Variants in CTNND2 observed in about 807,000 individuals in gnomAD.
The protein encoded by CTNND2 is catenin delta-2.
CTNND2 carries 22 observed loss-of-function variants against 144.4 expected under a neutral mutation model. The ratio of observed to expected loss-of-function variants is 0.15; its 90% CI spans 0.11 to 0.22. CTNND2 has a LOEUF of 0.22. CTNND2 is among the 10% of genes least tolerant of loss of function. The probability of loss-of-function intolerance (pLI) is 1.00; values close to 1 mark genes in which losing one functional copy is unlikely to be tolerated. For missense variants in CTNND2, 1,353 were observed against 1,618.8 expected, an observed-to-expected ratio of 0.84 and a Z score of 2.82; for synonymous variants, 751 against 695.6, an observed-to-expected ratio of 1.08 and a Z score of -1.25.
intron 1 of CTNND2, among the ~76,000 whole-genome samples, chr5:11,828,531 AAAAT>A (rs1020581384): frequency 2.0e-5 from 3 of 152,080 alleles, no homozygotes; most frequent in African/African-American, 7.2e-5. Context: ...ACTCCGACTA[AAAAT>A]AAATAAATAA....
At chr5:11,332,122 A>G (rs1753211805) in intron 9 of CTNND2, among the ~76,000 whole-genome samples, 1 of 151,950 alleles carries the variant, frequency 6.6e-6, no homozygotes, top group African/African-American at 2.4e-5. Context: ...CTAAAAATAC[A>G]AAATTAGCTG....
At chr5:10,978,813 T>A (rs1445914571) in intron 21 of CTNND2, among the ~76,000 whole-genome samples, 1 of 152,234 alleles carries the variant, frequency 6.6e-6, no homozygotes, top group Non-Finnish European at 1.5e-5. Flanking sequence ...GGCTAGGTGG[T>A]GTTCACACTC....
chr5:11,795,349 A>C (rs1791347484), intron 1 of CTNND2, among the ~76,000 whole-genome samples: 1 of 152,232 alleles, frequency 6.6e-6, no homozygotes. Flanking sequence ...GGAAGGAATA[A>C]AAATCTGGAA....
intron 5 of CTNND2, among the ~76,000 whole-genome samples, chr5:11,411,035 C>T (rs191522156): frequency 6.6e-6 from 1 of 152,128 alleles, no homozygotes; most frequent in African/African-American, 2.4e-5. Flanking sequence ...CCATGCCTGG[C>T]TAGTTTTTTT....
At position 11,333,738 on chromosome 5, in the gene CTNND2, C is replaced by T. The variant is rs559186586; in HGVS notation, c.1628+12634G>A. On this transcript the variant is annotated intron_variant, in intron 9 of 21. Transcript: ENST00000304623. ...CTGGAAGATCCAAAGGCTCTACTGA[C>T]CCTGGCGGATTTGCTTGAAAGGGTT... Among the ~76,000 whole-genome samples, 4 of 152,256 alleles carry T rather than the reference C, an allele frequency of 2.6e-5. No homozygotes were observed. The South Asian group carries it at 8.3e-4, about 32-fold the overall frequency.
chr5:11,115,401 G>A (rs967660734), intron 13 of CTNND2, among the ~76,000 whole-genome samples: 11 of 152,080 alleles, frequency 7.2e-5, no homozygotes, highest in Non-Finnish European at 8.8e-5. Flanking sequence ...AGCTCTTTTC[G>A]TAGCCATCAC....
chr5:11,657,520 A>G (rs1237855378), intron 2 of CTNND2, among the ~76,000 whole-genome samples: 1 of 151,706 alleles, frequency 6.6e-6, no homozygotes, highest in East Asian at 1.9e-4. Flanking sequence ...TTCTTAGTAC[A>G]TAAAATAACC....
At chr5:11,687,349 T>C (rs1425079839) in intron 2 of CTNND2, among the ~76,000 whole-genome samples, 1 of 152,234 alleles carries the variant, frequency 6.6e-6, no homozygotes, top group African/African-American at 2.4e-5. Flanking sequence ...CTCAATTCCT[T>C]GCACTGCCTC....
intron 3 of CTNND2, among the ~76,000 whole-genome samples, chr5:11,434,978 C>T (rs31818): frequency 0.23 from 34,349 of 151,732 alleles, 7,590 homozygotes; most frequent in African/African-American, 0.58. Flanking sequence ...AAAAAATGCA[C>T]GAGGTTGTTT....
At chr5:10,978,280 T>C (rs1736756143) in intron 21 of CTNND2, among the ~76,000 whole-genome samples, 1 of 152,188 alleles carries the variant, frequency 6.6e-6, no homozygotes, top group South Asian at 2.1e-4. Context: ...AGGGATACTG[T>C]TTATGAGTCC....
At chr5:11,828,793 C>A (rs1020820161) in intron 1 of CTNND2, among the ~76,000 whole-genome samples, 9 of 152,066 alleles carry the variant, frequency 5.9e-5, no homozygotes, top group Non-Finnish European at 8.8e-5. Flanking sequence ...GTGGAAGTGA[C>A]TTTGGAACTG....
At chr5:11,496,144 A>G (rs759410531) in intron 3 of CTNND2, among the ~76,000 whole-genome samples, 6 of 152,198 alleles carry the variant, frequency 3.9e-5, no homozygotes, top group Non-Finnish European at 5.9e-5. Context: ...CCTGGATAAA[A>G]TAGCACCATG....
chr5:10,988,534 C>T lies in CTNND2; in HGVS notation c.3212-292G>A, dbSNP rs776086809. Among the ~76,000 whole-genome samples, 4 of 152,228 alleles carry T rather than the reference C, an allele frequency of 2.6e-5. No individual in the cohort carries two copies. Among genetic ancestry groups the T allele is most frequent in the Admixed American group, 6.5e-5 (1 of 15,286 alleles). ...CCTCAGAGAGAGATCATGGAGGGGA[C>T]GTGACCTGCCCAAGGTGTGTGGGGC... On this transcript the variant is annotated intron_variant, in intron 19 of 21. Transcript: ENST00000304623. The surrounding 1 kb of genome is among the most constrained non-coding windows in gnomAD (Gnocchi z 5.9).
rs148418321 is a variant in CTNND2, at chr5:11,281,437, T to C, written c.1629-44614A>G. ...TAGAATTTCATGAAGCAACAGCAAATAGCCACAGAATTCCACGAAGCAATG... is the reference window on the plus strand; with the variant it reads ...TAGAATTTCATGAAGCAACAGCAAACAGCCACAGAATTCCACGAAGCAATG... On this transcript the variant is annotated intron_variant, in intron 9 of 21. Transcript: ENST00000304623. Among the ~76,000 whole-genome samples the C allele has an allele frequency of 5.2e-3, 795 of 152,292 alleles. 10 individuals carry two copies. The highest frequency in any genetic ancestry group is 0.018 in the African/African-American group (737 of 41,572).
At chr5:11,014,722 G>C (rs1741429685) in intron 18 of CTNND2, among the ~76,000 whole-genome samples, 1 of 152,154 alleles carries the variant, frequency 6.6e-6, no homozygotes, top group South Asian at 2.1e-4. Context: ...ATAACATAAA[G>C]TAGGTGAGCT....
chr5:11,481,344 C>G (rs1768245966), intron 3 of CTNND2, among the ~76,000 whole-genome samples: 1 of 152,162 alleles, frequency 6.6e-6, no homozygotes, highest in Non-Finnish European at 1.5e-5. Context: ...AAGTTTCTCA[C>G]CAATCTCACC....
At chr5:11,507,366 A>C (rs1239574716) in intron 3 of CTNND2, among the ~76,000 whole-genome samples, 1 of 152,230 alleles carries the variant, frequency 6.6e-6, no homozygotes, top group Non-Finnish European at 1.5e-5. Context: ...AAGCTATACA[A>C]TCAAGAGCAT....
Position 11,245,111 on chromosome 5 carries a change from A to G in CTNND2, c.1629-8288T>C, listed in dbSNP as rs550951285. On this transcript the variant is annotated intron_variant, in intron 9 of 21. Transcript: ENST00000304623. Reference sequence around the variant, plus strand: ...GATTATTTCCTTACAAGTAGCCCTGACAACAGGAGAGAAATGAACAAAGGC... The same window carrying G: ...GATTATTTCCTTACAAGTAGCCCTGGCAACAGGAGAGAAATGAACAAAGGC... Among the ~76,000 whole-genome samples, 4 of 152,346 alleles carry G rather than the reference A, an allele frequency of 2.6e-5. No individual in the cohort carries two copies. The East Asian group carries it at 7.7e-4, about 29-fold the overall frequency.
At chr5:11,165,071 A>G (rs1320667949) in intron 11 of CTNND2, among the ~76,000 whole-genome samples, 1 of 152,242 alleles carries the variant, frequency 6.6e-6, no homozygotes, top group Admixed American at 6.5e-5. Flanking sequence ...TTCTGTAAGT[A>G]TTATAGCGTT....
Sources: allele counts gnomAD v4.1 joint callset (sites outside exome capture counted in the v4.1 genomes callset), GRCh38; gene constraint gnomAD v4.1.1; non-coding constraint Gnocchi (gnomAD v3.1); transcripts MANE v1.5; gene names NCBI Gene and HGNC (gene_info 2026-07-23, HGNC 2026-07-21).